Variants in TMEM117 observed in about 807,000 individuals in gnomAD.
TMEM117 encodes transmembrane protein 117.
A neutral mutation model predicts 52.4 loss-of-function variants in TMEM117; 27 were observed. The observed-to-expected ratio is 0.51, with a 90% CI of 0.38 to 0.71. The LOEUF is 0.71. TMEM117 is among the 30% of genes least tolerant of loss of function. The probability of loss-of-function intolerance (pLI) is 0.00; values close to 1 mark genes in which losing one functional copy is unlikely to be tolerated. For synonymous variants in TMEM117, 215 were observed against 206.3 expected, an observed-to-expected ratio of 1.04 and a Z score of -0.36; for missense variants, 556 against 630.5, an observed-to-expected ratio of 0.88 and a Z score of 1.26.
chr12:43,797,060 T>C, the TMEM117 span: 1 of 1,609,148 alleles, frequency 6.2e-7, no homozygotes, highest in South Asian at 1.1e-5. Context: ...TCCGCTCTCT[T>C]ATACTGCATG....
intron 7 of TMEM117, among the ~76,000 whole-genome samples, chr12:44,385,845 T>C (rs1222176895): frequency 6.6e-6 from 1 of 152,158 alleles, no homozygotes; most frequent in Non-Finnish European, 1.5e-5. Context: ...CTCCTGTTTC[T>C]CATCCCTTTC....
the TMEM117 span, among the ~76,000 whole-genome samples, chr12:43,798,282 C>T: frequency 6.6e-6 from 1 of 152,104 alleles, no homozygotes; most frequent in African/African-American, 2.4e-5. Flanking sequence ...ACAAAGACAA[C>T]ACAGCTCAAC....
chr12:44,052,089 G>T (rs1949238247), intron 3 of TMEM117, among the ~76,000 whole-genome samples: 1 of 152,194 alleles, frequency 6.6e-6, no homozygotes, highest in African/African-American at 2.4e-5. Flanking sequence ...GGGTTATCAT[G>T]TAGATTAAAT....
intron 5 of TMEM117, among the ~76,000 whole-genome samples, chr12:44,214,091 A>G (rs1398586470): frequency 7.0e-6 from 1 of 143,384 alleles, no homozygotes; most frequent in Non-Finnish European, 1.5e-5. Context: ...TTTGAACATT[A>G]TCACTCAGGT....
intron 2 of TMEM117, among the ~76,000 whole-genome samples, chr12:43,873,639 C>A (rs140201523): frequency 0.014 from 2,128 of 151,954 alleles, 28 homozygotes; most frequent in East Asian, 0.046. Flanking sequence ...TTGTTCTAAT[C>A]TTAAATTTTG....
In TMEM117 at chr12:43,924,237, A is replaced by T. The variant is rs532660755; in HGVS notation, c.278-19973A>T. On this transcript the variant is annotated intron_variant, in intron 2 of 7. Transcript: ENST00000266534. ...CAAGTTACAAATCTCAGTAGATTAA[A>T]ACTTGGGAGGAATATTGCCTGAATT... Among the ~76,000 whole-genome samples the T allele has an allele frequency of 1.9e-3, 289 of 152,324 alleles. 3 individuals are homozygous for T. Among genetic ancestry groups the T allele is most frequent in the African/African-American group, 6.6e-3 (273 of 41,574 alleles).
intron 5 of TMEM117, among the ~76,000 whole-genome samples, chr12:44,221,889 G>A (rs1207070712): frequency 6.6e-6 from 1 of 151,920 alleles, no homozygotes; most frequent in Non-Finnish European, 1.5e-5. Flanking sequence ...AGTAGAGACG[G>A]GATTTCACCA....
At chr12:44,134,892 A>T (rs756112997) in intron 3 of TMEM117, among the ~76,000 whole-genome samples, 1 of 152,134 alleles carries the variant, frequency 6.6e-6, no homozygotes, top group Admixed American at 6.5e-5. Flanking sequence ...AGCAACATGG[A>T]TGTCCCATGG....
intron 5 of TMEM117, among the ~76,000 whole-genome samples, chr12:44,214,379 G>A (rs564495103): frequency 1.3e-4 from 20 of 151,936 alleles, no homozygotes; most frequent in African/African-American, 4.6e-4. Context: ...TGTTGGCCAG[G>A]CTGGTCTCAA....
rs372429539 is a variant in TMEM117 at position 44,129,823 on chromosome 12, T to C, written c.411-13702T>C. ...AAACTGAAACAATCTAGTTTCCAAA[T>C]GTGAATTGTTCACATACTTTAAAAT... On this transcript the variant is annotated intron_variant, in intron 3 of 7. Transcript: ENST00000266534. 3.3e-4 allele frequency among the ~76,000 whole-genome samples: 50 copies of C among 152,346 alleles called. No individual in the cohort carries two copies. The South Asian group carries it at 9.3e-3, about 28-fold the overall frequency.
intron 2 of TMEM117, among the ~76,000 whole-genome samples, chr12:43,902,488 A>G (rs1458556689): frequency 6.6e-6 from 1 of 152,220 alleles, no homozygotes; most frequent in Non-Finnish European, 1.5e-5. Context: ...CTAGTGCTCT[A>G]CATTGAGCTA....
At chr12:43,854,144 T>C (rs1356836924) in intron 2 of TMEM117, among the ~76,000 whole-genome samples, 1 of 152,176 alleles carries the variant, frequency 6.6e-6, no homozygotes, top group African/African-American at 2.4e-5. Flanking sequence ...ACGAAAATAT[T>C]TGAACAATGT....
chr12:44,282,841 C>T (rs1396553988), intron 5 of TMEM117, among the ~76,000 whole-genome samples: 1 of 152,240 alleles, frequency 6.6e-6, no homozygotes, highest in Non-Finnish European at 1.5e-5. Context: ...ACAGCAGCAT[C>T]CCCATCACAG....
chr12:44,281,144 A>G (rs1311117531), intron 5 of TMEM117, among the ~76,000 whole-genome samples: 1 of 152,218 alleles, frequency 6.6e-6, no homozygotes, highest in African/African-American at 2.4e-5. Context: ...TAAGAGTGAA[A>G]TATCTTACAT....
At chr12:44,080,351 CT>C (rs1464635056) in intron 3 of TMEM117, among the ~76,000 whole-genome samples, 1 of 152,136 alleles carries the variant, frequency 6.6e-6, no homozygotes, top group East Asian at 1.9e-4. Context: ...GGAAAAGAAC[CT>C]TATAAAATCA....
chr12:44,019,755 C>T (rs896935103), intron 3 of TMEM117, among the ~76,000 whole-genome samples: 1 of 152,058 alleles, frequency 6.6e-6, no homozygotes, highest in Non-Finnish European at 1.5e-5. Flanking sequence ...GGAAGTCCTT[C>T]CTTTTATTCT....
intron 2 of TMEM117, among the ~76,000 whole-genome samples, chr12:43,907,078 G>T (rs1338316472): frequency 6.6e-6 from 1 of 152,182 alleles, no homozygotes; most frequent in East Asian, 1.9e-4. Context: ...AGTAACCTCT[G>T]CAGACTTAAA....
chr12:44,291,552 G>A (rs897817443), intron 5 of TMEM117, among the ~76,000 whole-genome samples: 2 of 151,690 alleles, frequency 1.3e-5, no homozygotes, highest in African/African-American at 4.8e-5. Context: ...AATGATGAGG[G>A]TGGGCATCTT....
rs377554768 is a variant in TMEM117, at chr12:44,318,603, G to T, written c.768+18864G>T. Among the ~76,000 whole-genome samples the T allele has an allele frequency of 2.5e-4, 38 of 152,276 alleles. No homozygotes were observed. In the South Asian group the frequency reaches 6.0e-3, roughly 24 times the overall value. On this transcript the variant is annotated intron_variant, in intron 6 of 7. Transcript: ENST00000266534. ...CCAATTTATGCACAGGAAAGGTGGGGTGGCTCAGGCTGGTAATCCAGAAGA... is the reference window on the plus strand; with the variant it reads ...CCAATTTATGCACAGGAAAGGTGGGTTGGCTCAGGCTGGTAATCCAGAAGA...
Sources: allele counts gnomAD v4.1 joint callset (sites outside exome capture counted in the v4.1 genomes callset), GRCh38; gene constraint gnomAD v4.1.1; transcripts MANE v1.5; gene names NCBI Gene and HGNC (gene_info 2026-07-23, HGNC 2026-07-21).